Variants in C7 observed in about 807,000 individuals in gnomAD.
The protein encoded by C7 is complement C7.
C7 carries 83 observed loss-of-function variants against 104.8 expected under a neutral mutation model. The observed-to-expected ratio is 0.79, with a 90% CI of 0.66 to 0.95. The LOEUF (loss-of-function observed/expected upper bound fraction) is 0.95, where lower values mean the gene tolerates loss of function less well. Among genes scored for constraint, C7 ranks in the 40% least tolerant of loss-of-function variants. The pLI, the probability that C7 is intolerant of heterozygous loss-of-function variation, is 0.00. For synonymous variants in C7, 415 were observed against 360.6 expected (o/e 1.15, Z -1.71); for missense variants, 1,070 against 1,011.2 (o/e 1.06, Z -0.79).
chr5:40,933,447 T>C (rs575615810), intron 3 of C7, among the ~76,000 whole-genome samples: 3 of 152,158 alleles, frequency 2.0e-5, no homozygotes, highest in Non-Finnish European at 4.4e-5. Flanking sequence ...TCTTTTTGTT[T>C]GAATGTTAGA....
chr5:40,981,500 C>T lies in C7; in HGVS notation c.2459C>T (p.Ala820Val), dbSNP rs761882332. 1.1e-5 allele frequency: 17 copies of T among 1,613,586 alleles called. No homozygotes were observed. Among genetic ancestry groups the T allele is most frequent in the Middle Eastern group, 1.6e-4 (1 of 6,080 alleles). Residue 820 changes from alanine (A) to valine (V), a missense_variant, in exon 18 of 18, where the codon GCG (alanine) becomes GTG (valine). Coordinates refer to ENST00000313164, the MANE Select transcript of C7 (RefSeq NM_000587.4). The stretch of plus-strand genomic sequence containing the variant: ...GAGCAGACGATGTCTGAGTGTGAGG[C>T]GGGCGCTCTGAGATGCAGAGGGCAG... ...GKEQTMSECE[A>V]GALRCRGQSI...
chr5:40,964,687 T>C, intron 13 of C7, 54 bp from the exon 14 acceptor site: 1 of 1,525,380 alleles, frequency 6.6e-7, no homozygotes, highest in South Asian at 1.2e-5. Flanking sequence ...AGAAACGTTT[T>C]GTTAATGCAA....
At chr5:40,938,254 T>G (rs985631810) in intron 6 of C7, among the ~76,000 whole-genome samples, 4 of 152,206 alleles carry the variant, frequency 2.6e-5, no homozygotes, top group Non-Finnish European at 5.9e-5. Flanking sequence ...TATTTTGTAT[T>G]AATTATCCTT....
At chr5:40,914,194 T>C (rs779416797) in intron 1 of C7, among the ~76,000 whole-genome samples, 4 of 152,192 alleles carry the variant, frequency 2.6e-5, no homozygotes, top group African/African-American at 4.8e-5. Flanking sequence ...GTGGTTTTAA[T>C]TTAATTCTCT....
Position 40,945,288 on chromosome 5 carries a change from C to T in C7, c.658C>T (p.Arg220Trp), listed in dbSNP as rs372012422. The T allele has an allele frequency of 5.1e-5, 82 of 1,606,980 alleles. No individual in the cohort carries two copies. The highest frequency in any genetic ancestry group is 6.2e-5 in the Non-Finnish European group (73 of 1,176,106). Reference sequence around the variant, plus strand: ...GTCGACAGAACACACATCATCTAGTCGGAAGCGCTCCTTTTTTAGATCTTC... The same window carrying T: ...GTCGACAGAACACACATCATCTAGTTGGAAGCGCTCCTTTTTTAGATCTTC... ...HTSTEHTSSS[R>W]KRSFFRSSSS... Residue 220 changes from arginine (R) to tryptophan (W), a missense_variant, in exon 7 of 18, where the codon CGG becomes TGG. Transcript: ENST00000313164.
At chr5:40,963,527 C>T (rs1579867728) in intron 13 of C7, among the ~76,000 whole-genome samples, 1 of 152,090 alleles carries the variant, frequency 6.6e-6, no homozygotes, top group African/African-American at 2.4e-5. Flanking sequence ...CATGATAGAG[C>T]CAGAGTGGGC....
At chr5:40,950,891 G>T (rs1162696011) in intron 9 of C7, among the ~76,000 whole-genome samples, 1 of 152,150 alleles carries the variant, frequency 6.6e-6, no homozygotes, top group African/African-American at 2.4e-5. Context: ...ATTGAAGGAG[G>T]ACTGAAAGGG....
chr5:40,933,302 C>T (rs923512860), intron 3 of C7, among the ~76,000 whole-genome samples: 2 of 152,190 alleles, frequency 1.3e-5, no homozygotes, highest in African/African-American at 4.8e-5. Flanking sequence ...TACAGCAACT[C>T]TTCCCTGTTG....
chr5:40,974,284 C>T (rs577083521), intron 15 of C7, among the ~76,000 whole-genome samples: 9 of 151,828 alleles, frequency 5.9e-5, no homozygotes, highest in African/African-American at 1.7e-4. Context: ...CACATACTTT[C>T]GGTGGGCCTT....
At chr5:40,956,214 G>A (rs771317436) in intron 10 of C7, among the ~76,000 whole-genome samples, 4 of 152,198 alleles carry the variant, frequency 2.6e-5, no homozygotes, top group Non-Finnish European at 4.4e-5. Context: ...TATTAAAAAT[G>A]TATCTATACT....
chr5:40,960,149 G>C (rs1433395919), intron 12 of C7, among the ~76,000 whole-genome samples: 3 of 152,018 alleles, frequency 2.0e-5, no homozygotes, highest in African/African-American at 4.8e-5. Context: ...CAGTAGCCTG[G>C]CACTAAACTT....
chr5:40,921,645 C>T (rs923229846), intron 1 of C7, among the ~76,000 whole-genome samples: 1 of 151,794 alleles, frequency 6.6e-6, no homozygotes, highest in Non-Finnish European at 1.5e-5. Context: ...TAGCATACTA[C>T]TGTCCTAAAA....
chr5:40,964,020 CTTTTTTTTT>C (rs869250524), intron 13 of C7, among the ~76,000 whole-genome samples: 5 of 39,886 alleles, frequency 1.3e-4, no homozygotes, highest in Admixed American at 5.3e-4. Context: ...GCTCATAATA[CTTTTTTTTT>C]TTTTTTTTTT....
rs374754410 is a variant in C7, at chr5:40,945,096, A to G, written c.568-102A>G. The G allele has an allele frequency of 2.6e-4, 171 of 650,270 alleles. 1 individual carries two copies. The African/African-American group carries it at 2.9e-3, about 11-fold the overall frequency. 40.3% of individuals were successfully genotyped at this position (650,270 alleles called of 1,614,324 possible). ...TGAGAGTCACAGTTGCTTTGTGCCA[A>G]TGAAGAGCTTTTCTCTTTGGGAAGA... On this transcript the variant is annotated intron_variant, in intron 6 of 17. Transcript: ENST00000313164.
Position 40,934,196 on chromosome 5 carries a change from A to G in C7, c.139-129A>G, listed in dbSNP as rs1739757129. 4 of 962,444 alleles carry G rather than the reference A, an allele frequency of 4.2e-6. No homozygotes were observed. In the South Asian group the frequency reaches 8.8e-5, roughly 21 times the overall value. 59.6% of individuals were successfully genotyped at this position (962,444 alleles called of 1,614,324 possible). A position where few individuals can be genotyped will look rare whatever the true frequency, so the allele number is the denominator to read the frequency against. On this transcript the variant is annotated intron_variant, in intron 3 of 17. Transcript: ENST00000313164. ...TTTTATTTCTGTAGAACACCAGAAC[A>G]ATTTTCCAGACGTTGTTTTTCTAAT... is the stretch of plus-strand genomic sequence containing the variant.
chr5:40,951,232 T>C (rs1740162686), intron 9 of C7, among the ~76,000 whole-genome samples: 1 of 152,106 alleles, frequency 6.6e-6, no homozygotes, highest in African/African-American at 2.4e-5. Context: ...TATTTTTTAC[T>C]TGTTAAGTTA....
intron 9 of C7, among the ~76,000 whole-genome samples, chr5:40,953,955 T>A (rs1219969444): frequency 2.3e-5 from 1 of 44,350 alleles, no homozygotes; most frequent in East Asian, 7.8e-4. Flanking sequence ...ATGCTTATTT[T>A]ATGAAATTGC....
intron 6 of C7, among the ~76,000 whole-genome samples, chr5:40,938,924 C>G (rs1321277864): frequency 1.3e-5 from 2 of 152,178 alleles, no homozygotes; most frequent in Non-Finnish European, 2.9e-5. Flanking sequence ...CATCTTCTAT[C>G]TTAAAACACT....
chr5:40,927,228 CATTGT>C (rs1233432661), intron 1 of C7, among the ~76,000 whole-genome samples: 1 of 151,922 alleles, frequency 6.6e-6, no homozygotes. Context: ...CCTTATCTAG[CATTGT>C]ATATAAAAAT....
Sources: gnomAD v4.1 joint callset for allele counts (sites outside exome capture counted in the v4.1 genomes callset) on GRCh38, gnomAD v4.1.1 for gene constraint, MANE v1.5 for transcripts, NCBI Gene and HGNC (gene_info 2026-07-23, HGNC 2026-07-21) for gene names.